Variants in CPLANE1 observed in about 807,000 individuals in gnomAD.
CPLANE1 encodes ciliogenesis and planar polarity effector complex subunit 1, also known as ciliogenesis and planar polarity effector 1.
CPLANE1 carries 263 observed loss-of-function variants against 362.5 expected under a neutral mutation model. That is an observed-to-expected ratio of 0.73 (90% CI 0.66 to 0.80). CPLANE1 has a LOEUF of 0.80. CPLANE1 is among the 30% of genes least tolerant of loss of function. CPLANE1 has a pLI of 0.00. For missense variants in CPLANE1, 3,461 were observed against 3,793.4 expected (o/e 0.91, Z 2.30); for synonymous variants, 1,212 against 1,302.6 (o/e 0.93, Z 1.50).
At chr5:37,106,129 C>T (rs1757592065), downstream of CPLANE1, 1 of 152,104 alleles carries the variant, frequency 6.6e-6, no homozygotes, top group South Asian at 2.1e-4. Context: ...CTATGGAAAA[C>T]AGTATGGAGG....
chr5:37,173,597 G>A (rs112410593), intron 32 of CPLANE1, among the ~76,000 whole-genome samples, 158 bp downstream of exon 32: 17 of 151,990 alleles, frequency 1.1e-4, no homozygotes, highest in African/African-American at 3.4e-4. Context: ...GAGCCACTGC[G>A]CCCAACCAGT....
At chr5:37,131,612 C>A (rs1420993461) in intron 46 of CPLANE1, among the ~76,000 whole-genome samples, 1 of 151,704 alleles carries the variant, frequency 6.6e-6, no homozygotes, top group Non-Finnish European at 1.5e-5. Flanking sequence ...CTCACTGCAA[C>A]CTCCACCTCC....
chr5:37,248,501 C>T (rs1740608959), intron 1 of CPLANE1, among the ~76,000 whole-genome samples: 1 of 149,794 alleles, frequency 6.7e-6, no homozygotes, highest in Non-Finnish European at 1.5e-5. Flanking sequence ...AGAGACAGCA[C>T]ACAAAGATCT....
At chr5:37,125,072 G>C in intron 47 of CPLANE1, 172 bp downstream of exon 47, 10 of 1,366,760 alleles carry the variant, frequency 7.3e-6, no homozygotes, top group Non-Finnish European at 9.6e-6. Context: ...ACAATATGCT[G>C]CAACATTTTA....
chr5:37,245,372 T>C (rs1739305683), intron 4 of CPLANE1, 107 bp downstream of exon 4: 1 of 402,052 alleles, frequency 2.5e-6, no homozygotes, highest in Admixed American at 5.9e-5. Context: ...GATATACATA[T>C]GCACATACAC....
intron 21 of CPLANE1, among the ~76,000 whole-genome samples, chr5:37,189,761 G>A (rs1318646536): frequency 6.6e-6 from 1 of 152,206 alleles, no homozygotes; most frequent in African/African-American, 2.4e-5. Context: ...TACTTTGGGA[G>A]GACGAGGTGG....
At chr5:37,175,785 AT>A in intron 31 of CPLANE1, 123 bp downstream of exon 31, 2 of 652,302 alleles carry the variant, frequency 3.1e-6, no homozygotes, top group Non-Finnish European at 2.6e-6. Context: ...TGTTGCTTTC[AT>A]TTTTCTTAGT....
At chr5:37,200,893 G>A (rs964449747) in intron 19 of CPLANE1, among the ~76,000 whole-genome samples, 27 of 151,936 alleles carry the variant, frequency 1.8e-4, no homozygotes, top group Admixed American at 1.6e-3. Context: ...GTGCAATCTC[G>A]GCTCACTACA....
At chr5:37,191,946 A>G (rs1259637323) in intron 21 of CPLANE1, among the ~76,000 whole-genome samples, 1 of 152,202 alleles carries the variant, frequency 6.6e-6, no homozygotes, top group African/African-American at 2.4e-5. Flanking sequence ...CTAAGTGTAC[A>G]GTGTTTATAA....
Position 37,198,771 on chromosome 5 carries a change from A to G in CPLANE1, c.3603T>C (p.Ala1201=). The change falls in exon 20 of 53, where the codon GCT becomes GCC. Residue 1201 remains alanine (A), a synonymous_variant. Coordinates refer to ENST00000651892, the MANE Select transcript of CPLANE1 (RefSeq NM_001384732.1). ...LQRVLLLFRA[A]QCSFPVAQWY... is the part of the protein sequence containing the mutation. ...ACTGTGCTACAGGAAAAGAACACTG[A>G]GCCGCCCGGAAAAGCAGGAGAACAC... 1.2e-6 allele frequency: 2 copies of G among 1,614,170 alleles called. No homozygotes were observed. Among genetic ancestry groups the G allele is most frequent in the Non-Finnish European group, 1.7e-6 (2 of 1,180,034 alleles).
the CPLANE1 span, among the ~76,000 whole-genome samples, chr5:37,078,290 T>C: frequency 9.2e-5 from 14 of 152,220 alleles, no homozygotes; most frequent in Non-Finnish European, 1.5e-4. Context: ...AGTGAGAATA[T>C]GCACTGTTTG....
the CPLANE1 span, among the ~76,000 whole-genome samples, chr5:37,076,075 T>G: frequency 6.6e-6 from 1 of 151,446 alleles, no homozygotes; most frequent in Non-Finnish European, 1.5e-5. Flanking sequence ...GAAACCCCTA[T>G]CAATCACTAC....
intron 46 of CPLANE1, chr5:37,130,407 C>T: frequency 4.7e-6 from 1 of 214,966 alleles, no homozygotes; most frequent in Admixed American, 4.2e-5. Context: ...AAAAAAGAAC[C>T]TGCATGTGAG....
intron 44 of CPLANE1, chr5:37,139,915 C>A (rs1280209671): frequency 1.0e-6 from 1 of 985,322 alleles, no homozygotes; most frequent in Non-Finnish European, 1.2e-6. Flanking sequence ...CACAACCCTT[C>A]TTTGCTTAGT....
intron 48 of CPLANE1, 97 bp from the exon 49 acceptor site, chr5:37,121,881 G>GTTT (rs772486105): frequency 7.5e-4 from 541 of 721,498 alleles, no homozygotes; most frequent in Non-Finnish European, 8.3e-4. Flanking sequence ...GCATGTTCTG[G>GTTT]TTTTTTTTTT....
At chr5:37,224,205 A>G (rs1455975502) in intron 14 of CPLANE1, 48 bp downstream of exon 14, 1 of 1,265,272 alleles carries the variant, frequency 7.9e-7, no homozygotes, top group Non-Finnish European at 1.1e-6. Context: ...AGCAAGCTAA[A>G]AGGAGTCCTG....
chr5:37,242,247 G>A (rs59075952), intron 6 of CPLANE1, among the ~76,000 whole-genome samples: 2,059 of 151,920 alleles, frequency 0.014, 43 homozygotes, highest in African/African-American at 0.047. Flanking sequence ...CCAGCTACTC[G>A]GGAGGCTGAG....
At chr5:37,153,198 A>C (rs902171241) in intron 42 of CPLANE1, among the ~76,000 whole-genome samples, 3 of 152,150 alleles carry the variant, frequency 2.0e-5, no homozygotes, top group Non-Finnish European at 4.4e-5. Context: ...ATATCTACAG[A>C]AGAAACTAAA....
At chr5:37,122,553 A>C in intron 47 of CPLANE1, 65 bp from the exon 48 acceptor site, 1 of 1,247,660 alleles carries the variant, frequency 8.0e-7, no homozygotes, top group Non-Finnish European at 1.1e-6. Context: ...ATTACACATA[A>C]TTCTGTTATT....
Sources: allele counts gnomAD v4.1 joint callset (sites outside exome capture counted in the v4.1 genomes callset), GRCh38; gene constraint gnomAD v4.1.1; transcripts MANE v1.5; gene names NCBI Gene and HGNC (gene_info 2026-07-23, HGNC 2026-07-21).